C1QTNF7: variants seen among roughly 807,000 people sequenced by gnomAD.
C1QTNF7 encodes the protein complement C1q tumor necrosis factor-related protein 7.
In C1QTNF7, 15 loss-of-function variants were observed where a neutral mutation model predicts 19.6. The observed-to-expected ratio is 0.76, with a 90% confidence interval of 0.51 to 1.18. C1QTNF7 has a LOEUF of 1.18. Ranked by LOEUF, C1QTNF7 falls within the 50% of genes most tolerant of loss-of-function variation. C1QTNF7 has a pLI of 0.00. For synonymous variants in C1QTNF7, 142 were observed against 137.5 expected, an observed-to-expected ratio of 1.03 and a Z score of -0.23; for missense variants, 324 against 359.7, an observed-to-expected ratio of 0.90 and a Z score of 0.80.
chr4:15,393,985 G>A (rs949571511), intron 1 of C1QTNF7, among the ~76,000 whole-genome samples: 1 of 152,190 alleles, frequency 6.6e-6, no homozygotes, highest in Admixed American at 6.5e-5. Flanking sequence ...GGCAGAGGGG[G>A]TGTGTAGGGC....
intron 1 of C1QTNF7, among the ~76,000 whole-genome samples, chr4:15,348,181 G>A (rs187930705): frequency 6.6e-6 from 1 of 152,114 alleles, no homozygotes; most frequent in Non-Finnish European, 1.5e-5. Context: ...TCCAGTGGGG[G>A]ATTAAAAAGA....
rs544541220 is a variant in C1QTNF7 at position 15,369,585 on chromosome 4, A to T, written c.13+29378A>T. ...TTTTACCATTATTTAAGAATGATTT[A>T]AAAAGTTTTGCATTTTTAATCTACT... On this transcript the variant is annotated intron_variant, in intron 1 of 2. Coordinates refer to the C1QTNF7 transcript ENST00000295297. Among the ~76,000 whole-genome samples, 7 of 152,342 alleles carry T rather than the reference A, an allele frequency of 4.6e-5. No individual in the cohort carries two copies. In the East Asian group the frequency reaches 7.7e-4, roughly 17 times the overall value.
intron 1 of C1QTNF7, among the ~76,000 whole-genome samples, chr4:15,354,524 A>T (rs377490691): frequency 2.6e-5 from 4 of 152,132 alleles, no homozygotes; most frequent in African/African-American, 9.6e-5. Context: ...TCTGCGTGTC[A>T]TTTGAGCTCA....
At chr4:15,389,615 C>T (rs1008152225) in intron 1 of C1QTNF7, among the ~76,000 whole-genome samples, 2 of 152,128 alleles carry the variant, frequency 1.3e-5, no homozygotes, top group African/African-American at 4.8e-5. Context: ...GACAGGGTTT[C>T]ACCATGTTGG....
At chr4:15,399,167 C>G (rs950117495) in intron 1 of C1QTNF7, among the ~76,000 whole-genome samples, 1 of 152,206 alleles carries the variant, frequency 6.6e-6, no homozygotes, top group Non-Finnish European at 1.5e-5. Flanking sequence ...TATCAGGAAC[C>G]TGCTGATCAC....
intron 1 of C1QTNF7, among the ~76,000 whole-genome samples, chr4:15,371,928 A>G (rs1717748389): frequency 1.3e-5 from 2 of 149,916 alleles, no homozygotes; most frequent in Admixed American, 6.6e-5. Context: ...AGGAAAGAGT[A>G]GGAAAGGAAA....
intron 1 of C1QTNF7, among the ~76,000 whole-genome samples, chr4:15,353,792 T>A (rs1414547709): frequency 6.6e-6 from 1 of 150,962 alleles, no homozygotes; most frequent in Non-Finnish European, 1.5e-5. Context: ...ATCTGGACAA[T>A]ACGGCAAGCA....
intron 1 of C1QTNF7, among the ~76,000 whole-genome samples, chr4:15,353,465 C>A (rs961737947): frequency 6.6e-6 from 1 of 152,106 alleles, no homozygotes; most frequent in Non-Finnish European, 1.5e-5. Flanking sequence ...TTGAGAGGAG[C>A]CATGTGACAC....
chr4:15,376,307 T>C (rs1352345554), intron 1 of C1QTNF7, among the ~76,000 whole-genome samples: 1 of 152,250 alleles, frequency 6.6e-6, no homozygotes, highest in East Asian at 1.9e-4. Flanking sequence ...AAGTAAGTTA[T>C]TCAAATTTGG....
intron 1 of C1QTNF7, chr4:15,420,180 T>G (rs1241717159): frequency 6.6e-6 from 1 of 152,392 alleles, no homozygotes; most frequent in Admixed American, 6.5e-5. Context: ...CTCCCCAGCT[T>G]TCTCACTCTC....
At chr4:15,411,557 A>G (rs937745064) in intron 1 of C1QTNF7, among the ~76,000 whole-genome samples, 2 of 152,108 alleles carry the variant, frequency 1.3e-5, no homozygotes, top group African/African-American at 2.4e-5. Flanking sequence ...TGCCCACCCA[A>G]TGTGAAAGTG....
At chr4:15,347,156 C>A (rs1716748292) in intron 1 of C1QTNF7, among the ~76,000 whole-genome samples, 1 of 152,142 alleles carries the variant, frequency 6.6e-6, no homozygotes, top group African/African-American at 2.4e-5. Context: ...TCATTGTCCT[C>A]CTGTTTGTCC....
intron 1 of C1QTNF7, among the ~76,000 whole-genome samples, chr4:15,393,617 T>C (rs2108901618): frequency 6.6e-6 from 1 of 152,206 alleles, no homozygotes; most frequent in East Asian, 1.9e-4. Flanking sequence ...TGAGGACCAA[T>C]GGATTTGATC....
chr4:15,394,075 G>A (rs1190092270), intron 1 of C1QTNF7, among the ~76,000 whole-genome samples: 2 of 152,236 alleles, frequency 1.3e-5, no homozygotes, highest in Non-Finnish European at 2.9e-5. Context: ...AACCCTGAAG[G>A]AGATGAGTGA....
intron 1 of C1QTNF7, among the ~76,000 whole-genome samples, chr4:15,361,684 C>A (rs892858681): frequency 2.0e-5 from 3 of 152,156 alleles, no homozygotes; most frequent in African/African-American, 7.2e-5. Flanking sequence ...ATGGTCTACT[C>A]TGGTTTCTTT....
chr4:15,439,571 T>A (rs547305275), intron 2 of C1QTNF7, among the ~76,000 whole-genome samples: 7 of 152,338 alleles, frequency 4.6e-5, no homozygotes, highest in Admixed American at 4.6e-4. Context: ...TCTCCCCTTA[T>A]TACAAATGGA....
At chr4:15,360,573 A>G (rs1040432360) in intron 1 of C1QTNF7, among the ~76,000 whole-genome samples, 2 of 152,192 alleles carry the variant, frequency 1.3e-5, no homozygotes, top group African/African-American at 4.8e-5. Flanking sequence ...CAGCATTTCT[A>G]TGCTTGGAGG....
intron 1 of C1QTNF7, among the ~76,000 whole-genome samples, chr4:15,434,907 T>C (rs866469729): frequency 3.3e-5 from 5 of 152,160 alleles, no homozygotes; most frequent in Admixed American, 1.3e-4. Context: ...TAAATTAAAG[T>C]TTGAGACCTC....
intron 1 of C1QTNF7, among the ~76,000 whole-genome samples, chr4:15,394,220 G>A (rs1718692625): frequency 6.6e-6 from 1 of 152,258 alleles, no homozygotes; most frequent in Non-Finnish European, 1.5e-5. Context: ...GGGCAGAGGT[G>A]CAAGGGATGA....
Sources: gnomAD v4.1 joint callset for allele counts (sites outside exome capture counted in the v4.1 genomes callset) on GRCh38, gnomAD v4.1.1 for gene constraint, MANE v1.5 for transcripts, NCBI Gene and HGNC (gene_info 2026-07-23, HGNC 2026-07-21) for gene names.